CAMK2D: variants seen among roughly 807,000 people sequenced by gnomAD.
The protein encoded by CAMK2D is calcium/calmodulin-dependent protein kinase type II subunit delta.
In CAMK2D, 37 loss-of-function variants were observed where a neutral mutation model predicts 84.0. The ratio of observed to expected loss-of-function variants is 0.44; its 90% CI spans 0.34 to 0.58. The LOEUF is 0.58. CAMK2D is among the 20% of genes least tolerant of loss of function. CAMK2D has a pLI of 0.02. For synonymous variants in CAMK2D, 202 were observed against 212.5 expected, an observed-to-expected ratio of 0.95 and a Z score of 0.43; for missense variants, 448 against 652.5, an observed-to-expected ratio of 0.69 and a Z score of 3.41.
chr4:113,567,710 G>A (rs2098732526), intron 4 of CAMK2D, among the ~76,000 whole-genome samples: 1 of 152,164 alleles, frequency 6.6e-6, no homozygotes, highest in Non-Finnish European at 1.5e-5. Context: ...TTAGCTGTGT[G>A]ACTCAGAAGA....
intron 2 of CAMK2D, chr4:113,753,638 G>A (rs567212494): frequency 8.1e-5 from 23 of 283,818 alleles, no homozygotes; most frequent in African/African-American, 3.4e-4. Flanking sequence ...AACAGCCTAC[G>A]TCATTTAAAA....
intron 14 of CAMK2D, among the ~76,000 whole-genome samples, chr4:113,503,867 T>C (rs2098090287): frequency 6.6e-6 from 1 of 152,200 alleles, no homozygotes. Flanking sequence ...ACTTTCATTG[T>C]GTGATATCTT....
chr4:113,707,786 C>T (rs2099466010), intron 2 of CAMK2D, among the ~76,000 whole-genome samples: 1 of 152,120 alleles, frequency 6.6e-6, no homozygotes, highest in Admixed American at 6.5e-5. Context: ...AGATTTTTAA[C>T]CTCAGAATGC....
intron 3 of CAMK2D, among the ~76,000 whole-genome samples, chr4:113,632,100 A>G (rs2099092089): frequency 6.6e-6 from 1 of 152,254 alleles, no homozygotes; most frequent in African/African-American, 2.4e-5. Flanking sequence ...TTATTATACA[A>G]TCAAAGCCTA....
intron 17 of CAMK2D, 114 bp downstream of exon 17, chr4:113,465,415 A>G: frequency 1.5e-6 from 1 of 676,406 alleles, no homozygotes; most frequent in South Asian, 1.9e-5. Flanking sequence ...AACTATTGTT[A>G]ACATATCAAA....
chr4:113,499,947 A>C (rs1260384251), intron 16 of CAMK2D, among the ~76,000 whole-genome samples: 1 of 152,198 alleles, frequency 6.6e-6, no homozygotes, highest in Non-Finnish European at 1.5e-5. Flanking sequence ...TGGCAACCAA[A>C]GTGAATGGAG....
chr4:113,559,250 T>C (rs567609949), intron 4 of CAMK2D, among the ~76,000 whole-genome samples: 9 of 152,328 alleles, frequency 5.9e-5, no homozygotes, highest in African/African-American at 1.9e-4. Flanking sequence ...GTATTAACTA[T>C]TGGAATTCGG....
chr4:113,513,410 T>C (rs1421313219), intron 11 of CAMK2D, 40 bp from the exon 12 acceptor site: 11 of 1,284,738 alleles, frequency 8.6e-6, no homozygotes, highest in African/African-American at 2.9e-5. Context: ...GTGTTGCCTA[T>C]GCAAATTCTG....
chr4:113,574,560 T>C (rs1266242053), intron 4 of CAMK2D, among the ~76,000 whole-genome samples: 1 of 152,190 alleles, frequency 6.6e-6, no homozygotes, highest in Non-Finnish European at 1.5e-5. Flanking sequence ...TATTTCCAAG[T>C]TTGAGTTTTG....
intron 4 of CAMK2D, among the ~76,000 whole-genome samples, chr4:113,595,841 T>C (rs2098923486): frequency 6.6e-6 from 1 of 152,208 alleles, no homozygotes; most frequent in Non-Finnish European, 1.5e-5. Context: ...TCAGTGTTGA[T>C]GGTGCTGACT....
chr4:113,556,167 C>T (rs2098663339), intron 4 of CAMK2D, among the ~76,000 whole-genome samples: 1 of 152,136 alleles, frequency 6.6e-6, no homozygotes. Context: ...TGCAACACAG[C>T]AACCCTATGA....
chr4:113,475,533 A>G (rs1218280401), intron 16 of CAMK2D, among the ~76,000 whole-genome samples: 1 of 152,172 alleles, frequency 6.6e-6, no homozygotes, highest in Admixed American at 6.5e-5. Flanking sequence ...GCTCTCAGTC[A>G]TATTTCAGTG....
At chr4:113,632,663 T>C (rs936974938) in intron 3 of CAMK2D, among the ~76,000 whole-genome samples, 2 of 152,078 alleles carry the variant, frequency 1.3e-5, no homozygotes, top group Non-Finnish European at 2.9e-5. Flanking sequence ...AGAGAGCTAA[T>C]AATATTCATA....
At chr4:113,744,138 C>T (rs961440264) in intron 2 of CAMK2D, among the ~76,000 whole-genome samples, 3 of 152,212 alleles carry the variant, frequency 2.0e-5, no homozygotes, top group Non-Finnish European at 4.4e-5. Context: ...CCACACCCAG[C>T]CCCCTATTTT....
intron 2 of CAMK2D, among the ~76,000 whole-genome samples, chr4:113,746,309 CTG>C (rs1379328880): frequency 6.6e-6 from 1 of 152,144 alleles, no homozygotes; most frequent in Non-Finnish European, 1.5e-5. Flanking sequence ...AACCTTCTAT[CTG>C]TTTTAAAGTT....
At chr4:113,674,723 G>A (rs537632446) in intron 2 of CAMK2D, among the ~76,000 whole-genome samples, 1 of 152,202 alleles carries the variant, frequency 6.6e-6, no homozygotes, top group Admixed American at 6.5e-5. Flanking sequence ...TCTGACTTGT[G>A]TTAATCCACA....
At position 113,609,205 on chromosome 4, in the gene CAMK2D, C is replaced by G. The variant is rs2098989463; in HGVS notation, c.222G>C (p.Val74=). ...CTTCTGATATGCTATCATGAAGTCG[C>G]ACTAGAAAAAAATAAGAGAAGAAAA... ...ICRLLKHPNI[V]RLHDSISEEG... The change falls in exon 4 of 21, where the codon GTG becomes GTC. Residue 74 remains valine (V), a splice_region_variant and synonymous_variant. Coordinates refer to ENST00000511664, the MANE Select transcript of CAMK2D (RefSeq NM_001321571.2). The G allele has an allele frequency of 1.9e-6, 3 of 1,571,796 alleles. No individual in the cohort carries two copies. The East Asian group carries it at 6.7e-5, about 35-fold the overall frequency.
In CAMK2D at chr4:113,757,568, A is replaced by C. The variant is rs79156013; in HGVS notation, c.160+1752T>G. Reference sequence around the variant, plus strand: ...AAGAAACTTGCCCAAAGTCACAAGGAAAAAAAATTGCAGAAAACGGGCAAG... The same window carrying C: ...AAGAAACTTGCCCAAAGTCACAAGGCAAAAAAATTGCAGAAAACGGGCAAG... On this transcript the variant is annotated intron_variant, in intron 2 of 20. Coordinates refer to ENST00000511664, the MANE Select transcript of CAMK2D (RefSeq NM_001321571.2). Among the ~76,000 whole-genome samples, 91 of 151,994 alleles carry C rather than the reference A, an allele frequency of 6.0e-4. No homozygotes were observed. The East Asian group carries it at 0.013, about 22-fold the overall frequency.
intron 3 of CAMK2D, among the ~76,000 whole-genome samples, chr4:113,652,250 A>G (rs532620083): frequency 2.6e-5 from 4 of 152,326 alleles, no homozygotes; most frequent in African/African-American, 9.6e-5. Flanking sequence ...AAATGGAGAC[A>G]AGAATGATAT....
Sources: gnomAD v4.1 joint callset for allele counts (sites outside exome capture counted in the v4.1 genomes callset) on GRCh38, gnomAD v4.1.1 for gene constraint, MANE v1.5 for transcripts, NCBI Gene and HGNC (gene_info 2026-07-23, HGNC 2026-07-21) for gene names.